Variants in PLAAT3 observed in about 807,000 individuals in gnomAD.
The protein encoded by PLAAT3 is phospholipase A and acyltransferase 3.
A neutral mutation model predicts 16.7 loss-of-function variants in PLAAT3; 21 were observed. The observed-to-expected ratio is 1.26, with a 90% confidence interval of 0.89 to 1.81. The LOEUF (loss-of-function observed/expected upper bound fraction) is 1.81, where lower values mean the gene tolerates loss of function less well. PLAAT3 is among the 40% of genes most tolerant of loss of function. The pLI is 0.00. For missense variants in PLAAT3, 219 were observed against 213.7 expected, an observed-to-expected ratio of 1.02 and a Z score of -0.16; for synonymous variants, 76 against 81.7, an observed-to-expected ratio of 0.93 and a Z score of 0.38.
intron 2 of PLAAT3, among the ~76,000 whole-genome samples, chr11:63,612,015 G>A (rs1413919849): frequency 1.3e-5 from 2 of 152,210 alleles, no homozygotes; most frequent in Non-Finnish European, 2.9e-5. Context: ...GCGCATGCCT[G>A]TAATCCCAGC....
At chr11:63,602,090 C>T (rs142193959) in intron 2 of PLAAT3, among the ~76,000 whole-genome samples, 1,591 of 150,974 alleles carry the variant, frequency 0.011, 29 homozygotes, top group African/African-American at 0.036. Context: ...AAGTTTGAGA[C>T]GAGCCTGGCC....
chr11:63,615,048 ATATGTG>A (rs1938803143), upstream of PLAAT3, among the ~76,000 whole-genome samples: 3 of 40,128 alleles, frequency 7.5e-5, no homozygotes, highest in African/African-American at 1.5e-4. Context: ...ATATGTATAT[ATATGTG>A]TATATATATG....
intron 4 of PLAAT3, among the ~76,000 whole-genome samples, chr11:63,588,317 G>A (rs891901782): frequency 2.6e-5 from 4 of 152,028 alleles, no homozygotes; most frequent in African/African-American, 4.8e-5. Flanking sequence ...TGGTCTGCCC[G>A]CCTTAGTCTC....
intron 3 of PLAAT3, among the ~76,000 whole-genome samples, chr11:63,591,014 A>G (rs1446877034): frequency 3.3e-5 from 5 of 152,194 alleles, no homozygotes; most frequent in Non-Finnish European, 4.4e-5. Flanking sequence ...ATGCCAACAC[A>G]GACTGGGCAT....
At position 63,590,309 on chromosome 11, in the gene PLAAT3, C is replaced by T. The variant is rs566941978; in HGVS notation, c.178G>A (p.Val60Met). 6 of 1,614,124 alleles carry T rather than the reference C, an allele frequency of 3.7e-6. No homozygotes were observed. The highest frequency in any genetic ancestry group is 1.1e-5 in the South Asian group (1 of 91,084). The part of the protein sequence containing the change: ...VMSALTDKAI[V>M]KKELLYDVAG... ...ACATCATACAGCAATTCCTTCTTCA[C>T]GATGGCCTTGTCAGTCAGGGCGGAC... The change falls in exon 4 of 5, where the codon GTG (valine) becomes ATG (methionine). Residue 60 changes from valine (V) to methionine (M), a missense_variant. Coordinates refer to ENST00000415826, the MANE Select transcript of PLAAT3 (RefSeq NM_001128203.2).
intron 4 of PLAAT3, among the ~76,000 whole-genome samples, chr11:63,576,282 C>T (rs1169404267): frequency 2.0e-5 from 3 of 152,138 alleles, no homozygotes; most frequent in South Asian, 2.1e-4. Flanking sequence ...TAGCAAACCC[C>T]CACTTTTTTT....
rs558490887 is a variant in PLAAT3, at chr11:63,578,531, C to T, written c.388-3485G>A. On this transcript the variant is annotated intron_variant, in intron 4 of 4. Transcript: ENST00000415826. The stretch of plus-strand genomic sequence containing the variant: ...ACTGGTACCAAAACAGAGATATAGA[C>T]CAATGGAACAGAACAGAGCCCTCAG... Among the ~76,000 whole-genome samples, 73 of 151,920 alleles carry T rather than the reference C, an allele frequency of 4.8e-4. No individual in the cohort carries two copies. In the South Asian group the frequency reaches 0.01, roughly 21 times the overall value.
At position 63,574,880 on chromosome 11, in the gene PLAAT3, A is replaced by T; in HGVS notation, c.*65T>A. On this transcript the variant is annotated 3_prime_UTR_variant, in exon 5 of 5. Transcript: ENST00000415826. ...ATGAAATCCACAAACCAAACCCCAA[A>T]CTCTCTAGCAAAACAAGACCCCCTT... 1 of 949,842 alleles carries T rather than the reference A, an allele frequency of 1.1e-6. No homozygotes were observed. Among genetic ancestry groups the T allele is most frequent in the Non-Finnish European group, 1.7e-6 (1 of 581,004 alleles). The allele number at this position is 949,842 out of a possible 1,614,324, so 58.8% of individuals were successfully genotyped here.
chr11:63,616,092 T>C (rs1938866268), upstream of PLAAT3, among the ~76,000 whole-genome samples: 2 of 152,210 alleles, frequency 1.3e-5, no homozygotes, highest in Non-Finnish European at 2.9e-5. Flanking sequence ...CCTCACATAC[T>C]TCTTTTGTGG....
chr11:63,580,859 G>A (rs924683492), intron 4 of PLAAT3, among the ~76,000 whole-genome samples: 2 of 152,140 alleles, frequency 1.3e-5, no homozygotes, highest in African/African-American at 2.4e-5. Flanking sequence ...GGAAAGTCGG[G>A]GACCCCAAAC....
intron 4 of PLAAT3, 97 bp from the exon 5 acceptor site, chr11:63,575,143 C>A: frequency 2.6e-6 from 2 of 782,760 alleles, no homozygotes; most frequent in Admixed American, 2.2e-5. Context: ...ACCTCACATG[C>A]CCCTTGGCCT....
chr11:63,616,716 G>C (rs934640331), upstream of PLAAT3: 1 of 151,998 alleles, frequency 6.6e-6, no homozygotes, highest in Non-Finnish European at 1.5e-5. Flanking sequence ...GGGCGCGGTG[G>C]CTCACGCCCG....
upstream of PLAAT3, among the ~76,000 whole-genome samples, chr11:63,614,649 A>C (rs921312991): frequency 5.9e-5 from 9 of 152,090 alleles, no homozygotes; most frequent in African/African-American, 2.2e-4. Context: ...ATCACACTGC[A>C]GGGCCATGAT....
chr11:63,588,977 CAAA>C (rs58090843), intron 4 of PLAAT3, among the ~76,000 whole-genome samples: 3 of 46,910 alleles, frequency 6.4e-5, no homozygotes, highest in Non-Finnish European at 1.3e-4. Context: ...ATGAGCCAAG[CAAA>C]AAAAAAAAAA....
intron 4 of PLAAT3, among the ~76,000 whole-genome samples, chr11:63,585,277 C>T (rs1421146888): frequency 6.6e-6 from 1 of 152,174 alleles, no homozygotes; most frequent in African/African-American, 2.4e-5. Flanking sequence ...CCCGCCTCGG[C>T]CTCTCAAAGT....
chr11:63,597,209 C>G (rs916827854), intron 3 of PLAAT3, among the ~76,000 whole-genome samples: 1 of 151,978 alleles, frequency 6.6e-6, no homozygotes, highest in East Asian at 1.9e-4. Context: ...CCCAGCCATG[C>G]AGAACTGTGA....
intron 3 of PLAAT3, 118 bp downstream of exon 3, chr11:63,597,943 G>C: frequency 1.4e-6 from 1 of 706,082 alleles, no homozygotes; most frequent in South Asian, 1.7e-5. Context: ...AACATTCAGA[G>C]ACAACTGCCA....
intron 2 of PLAAT3, among the ~76,000 whole-genome samples, chr11:63,599,397 C>T (rs1938368606): frequency 1.3e-5 from 2 of 152,276 alleles, no homozygotes; most frequent in South Asian, 4.1e-4. Context: ...GACATTCCAT[C>T]AAGGATGAGG....
At chr11:63,593,351 G>T (rs1488208701) in intron 3 of PLAAT3, among the ~76,000 whole-genome samples, 1 of 152,220 alleles carries the variant, frequency 6.6e-6, no homozygotes, top group Non-Finnish European at 1.5e-5. Flanking sequence ...GCTGAAGCTT[G>T]AATGATGAAG....
Sources: allele counts gnomAD v4.1 joint callset (sites outside exome capture counted in the v4.1 genomes callset), GRCh38; gene constraint gnomAD v4.1.1; transcripts MANE v1.5; gene names NCBI Gene and HGNC (gene_info 2026-07-23, HGNC 2026-07-21).